The following KRABD1 variants were observed in gnomAD, a reference collection of about 807,000 sequenced individuals.
The protein encoded by KRABD1 is KRAB domain-containing protein 1.
chr3:42,940,973 G>A, the KRABD1 span, among the ~76,000 whole-genome samples: 1 of 152,212 alleles, frequency 6.6e-6, no homozygotes, highest in Non-Finnish European at 1.5e-5. Flanking sequence ...GTCTGTGGAG[G>A]TCACATGTTT....
At chr3:42,937,750 T>C in the KRABD1 span, 1 of 152,250 alleles carries the variant, frequency 6.6e-6, no homozygotes, top group East Asian at 1.9e-4. Context: ...CTGACAGCTG[T>C]TTCTCTGACA....
At chr3:42,941,273 A>G in the KRABD1 span, 2 of 1,590,970 alleles carry the variant, frequency 1.3e-6, no homozygotes, top group Non-Finnish European at 8.5e-7. Context: ...CTACGAAGGA[A>G]TGGGCCATCA....
the KRABD1 span, chr3:42,942,057 G>C: frequency 1.3e-6 from 2 of 1,535,524 alleles, no homozygotes; most frequent in Non-Finnish European, 1.7e-6. Context: ...AATGACTGGA[G>C]AGCAGGCTGG....
At chr3:42,936,880 TAG>T in the KRABD1 span, 1 of 152,168 alleles carries the variant, frequency 6.6e-6, no homozygotes, top group African/African-American at 2.4e-5. Flanking sequence ...TCGCCTGCCA[TAG>T]TGTACACCAG....
At chr3:42,939,958 TG>T in the KRABD1 span, among the ~76,000 whole-genome samples, 3 of 152,222 alleles carry the variant, frequency 2.0e-5, no homozygotes, top group Non-Finnish European at 2.9e-5. Context: ...TCCCAATCAG[TG>T]GCTTGCATTT....
chr3:42,937,151 C>G, the KRABD1 span: 1 of 152,106 alleles, frequency 6.6e-6, no homozygotes, highest in Non-Finnish European at 1.5e-5. Context: ...TCATTATATT[C>G]TTTTCTTTAG....
chr3:42,941,265 A>G, the KRABD1 span: 6 of 1,584,996 alleles, frequency 3.8e-6, no homozygotes, highest in Non-Finnish European at 5.1e-6. Context: ...GTACTTCACT[A>G]CGAAGGAATG....
the KRABD1 span, chr3:42,942,437 A>T: frequency 2.3e-6 from 1 of 429,842 alleles, no homozygotes. Flanking sequence ...AGAAAAATTT[A>T]TTTTTGTTTT....
At chr3:42,942,067 GA>G in the KRABD1 span, 1 of 1,533,838 alleles carries the variant, frequency 6.5e-7, no homozygotes, top group African/African-American at 1.4e-5. Flanking sequence ...GAGCAGGCTG[GA>G]TAGGTGAGTT....
chr3:42,939,028 C>CAT, the KRABD1 span: 1 of 881,870 alleles, frequency 1.1e-6, no homozygotes, highest in Non-Finnish European at 1.7e-6. Flanking sequence ...TACACATTTA[C>CAT]ATATATATAA....
chr3:42,936,640 T>G, the KRABD1 span: 1 of 152,308 alleles, frequency 6.6e-6, no homozygotes, highest in African/African-American at 2.4e-5. Context: ...CAGGGCAGCC[T>G]GTGGCCCACT....
the KRABD1 span, chr3:42,941,173 T>A: frequency 6.6e-7 from 1 of 1,519,136 alleles, no homozygotes; most frequent in Non-Finnish European, 8.8e-7. Context: ...ATTGGCAGAT[T>A]TGACCATCAC....
At chr3:42,941,622 G>A in the KRABD1 span, among the ~76,000 whole-genome samples, 17 of 152,074 alleles carry the variant, frequency 1.1e-4, no homozygotes, top group Non-Finnish European at 2.2e-4. Context: ...TATCTTAAGA[G>A]AATGCAGCCA....
the KRABD1 span, chr3:42,942,011 T>G: frequency 1.3e-6 from 2 of 1,535,936 alleles, no homozygotes; most frequent in Non-Finnish European, 1.7e-6. Flanking sequence ...AGGGAAAGAG[T>G]CCTGTTTCAC....
chr3:42,942,690 G>A, the KRABD1 span: 3 of 699,276 alleles, frequency 4.3e-6, no homozygotes, highest in East Asian at 2.9e-5. Flanking sequence ...AGGAGTTGAT[G>A]TAAGAGCCAC....
chr3:42,939,247 A>G, the KRABD1 span, among the ~76,000 whole-genome samples: 1 of 152,162 alleles, frequency 6.6e-6, no homozygotes, highest in Non-Finnish European at 1.5e-5. Flanking sequence ...TCCCAAAGTT[A>G]ACCACTATTC....
chr3:42,942,607 T>C, the KRABD1 span: 3 of 1,444,882 alleles, frequency 2.1e-6, no homozygotes, highest in Non-Finnish European at 2.8e-6. Context: ...TCAAAAATTT[T>C]TCGAAATCGT....
the KRABD1 span, chr3:42,938,891 G>C: frequency 1.3e-6 from 2 of 1,531,542 alleles, no homozygotes; most frequent in Admixed American, 2.0e-5. Flanking sequence ...AATAAAAGAG[G>C]TCAGATGATG....
chr3:42,939,039 C>A, the KRABD1 span: 2 of 792,614 alleles, frequency 2.5e-6, no homozygotes, highest in Non-Finnish European at 3.9e-6. Context: ...ATATATATAA[C>A]ATACTTTTAT....
Sources: gnomAD v4.1 joint callset for allele counts (sites outside exome capture counted in the v4.1 genomes callset) on GRCh38, gnomAD v4.1.1 for gene constraint, MANE v1.5 for transcripts, NCBI Gene and HGNC (gene_info 2026-07-23, HGNC 2026-07-21) for gene names.